The following PRKACB variants were observed in gnomAD, a reference collection of about 807,000 sequenced individuals.
PRKACB encodes cAMP-dependent protein kinase catalytic subunit beta.
Under a neutral mutation model 51.4 loss-of-function variants are expected in PRKACB, and 16 were observed. The observed-to-expected ratio is 0.31, with a 90% CI of 0.21 to 0.47. The LOEUF is 0.47. Ranked by LOEUF, PRKACB falls within the 20% of genes least tolerant of loss-of-function variation. The probability of loss-of-function intolerance (pLI) is 1.00; values close to 1 mark genes in which losing one functional copy is unlikely to be tolerated. For missense variants in PRKACB, 309 were observed against 464.5 expected (o/e 0.67, Z 3.08); for synonymous variants, 147 against 154.4 (o/e 0.95, Z 0.35).
chr1:84,090,060 A>G (rs1648329793), intron 1 of PRKACB, among the ~76,000 whole-genome samples: 1 of 152,206 alleles, frequency 6.6e-6, no homozygotes, highest in South Asian at 2.1e-4. Flanking sequence ...AGCTGCACAG[A>G]AGAACACTAG....
At chr1:84,101,050 G>C (rs1161100292) in intron 1 of PRKACB, among the ~76,000 whole-genome samples, 3 of 152,196 alleles carry the variant, frequency 2.0e-5, no homozygotes, top group East Asian at 1.9e-4. Context: ...TACGCTGTAA[G>C]GCTATGTGCC....
At chr1:84,228,245 A>G (rs1052253195) in intron 9 of PRKACB, among the ~76,000 whole-genome samples, 5 of 152,220 alleles carry the variant, frequency 3.3e-5, no homozygotes, top group African/African-American at 1.2e-4. Flanking sequence ...AAATAACTAT[A>G]TATATGTTGA....
At chr1:84,181,574 T>C (rs1459122457) in intron 2 of PRKACB, 2 of 813,440 alleles carry the variant, frequency 2.5e-6, no homozygotes, top group Non-Finnish European at 3.4e-6. Context: ...CTTTGTAGAA[T>C]GAGGAACTCT....
intron 1 of PRKACB, among the ~76,000 whole-genome samples, chr1:84,096,199 A>G (rs1299166128): frequency 6.6e-6 from 1 of 151,868 alleles, no homozygotes; most frequent in Non-Finnish European, 1.5e-5. Context: ...AGTGGTTTTG[A>G]CTGAAGGCCT....
intron 1 of PRKACB, among the ~76,000 whole-genome samples, chr1:84,087,253 A>G (rs1648088030): frequency 6.6e-6 from 1 of 152,254 alleles, no homozygotes. Context: ...CATTTAATCT[A>G]GAAAAATTAA....
rs1382534446 is a variant in PRKACB, at chr1:84,103,501, TAGTC to T, written c.46+25133_46+25136del. On this transcript the variant is annotated intron_variant, in intron 1 of 8. Coordinates refer to the PRKACB transcript ENST00000370688. ...AAGGTGAATTATTTCATGGGCCTTT[TAGTC>T]AGCCCAGCCTTCAGCTGAAGACAGA... Among the ~76,000 whole-genome samples the T allele has an allele frequency of 7.2e-5, 11 of 152,266 alleles. No individual in the cohort carries two copies. The South Asian group carries it at 1.2e-3, about 17-fold the overall frequency.
chr1:84,216,308 C>T (rs751583890), intron 9 of PRKACB, among the ~76,000 whole-genome samples: 1 of 152,036 alleles, frequency 6.6e-6, no homozygotes, highest in Non-Finnish European at 1.5e-5. Flanking sequence ...CACTGCACTC[C>T]AGCCTGGGTG....
At chr1:84,217,352 A>G (rs576293054) in intron 9 of PRKACB, among the ~76,000 whole-genome samples, 20 of 152,002 alleles carry the variant, frequency 1.3e-4, no homozygotes, top group Non-Finnish European at 2.6e-4. Flanking sequence ...TGTGCCCTTC[A>G]TCACTGCAGT....
chr1:84,156,848 A>C (rs1223351780), intron 1 of PRKACB, among the ~76,000 whole-genome samples: 2 of 152,148 alleles, frequency 1.3e-5, no homozygotes, highest in Non-Finnish European at 2.9e-5. Context: ...AATGGGTTGC[A>C]CTGAATAATT....
At chr1:84,118,946 AAGAAGC>A (rs1650841005) in intron 1 of PRKACB, among the ~76,000 whole-genome samples, 1 of 152,302 alleles carries the variant, frequency 6.6e-6, no homozygotes, top group African/African-American at 2.4e-5. Flanking sequence ...TTTCAGTTGC[AAGAAGC>A]AGAGACCCTA....
At chr1:84,153,851 G>C (rs1655128599) in intron 1 of PRKACB, among the ~76,000 whole-genome samples, 2 of 152,072 alleles carry the variant, frequency 1.3e-5, no homozygotes, top group African/African-American at 2.4e-5. Flanking sequence ...CAGATATCTA[G>C]ATATCTCTTA....
At chr1:84,159,433 T>C (rs576556259) in intron 1 of PRKACB, among the ~76,000 whole-genome samples, 3 of 152,286 alleles carry the variant, frequency 2.0e-5, no homozygotes, top group Non-Finnish European at 1.5e-5. Flanking sequence ...ACAAATGTTA[T>C]TGATTTTTAT....
At position 84,114,719 on chromosome 1, in the gene PRKACB, C is replaced by CT. The variant is rs112882891; in HGVS notation, c.46+36349dup. 4.2e-3 allele frequency among the ~76,000 whole-genome samples: 638 copies of CT among 152,258 alleles called. 4 individuals are homozygous for CT. The highest frequency in any genetic ancestry group is 0.015 in the African/African-American group (604 of 41,572). ...AGTCAGCCTTCCCAGTCTCTGCTATCTATCTTTCCATTCTCTTCCTTCATG... is the reference window on the plus strand; with the variant it reads ...AGTCAGCCTTCCCAGTCTCTGCTATCTTATCTTTCCATTCTCTTCCTTCATG... On this transcript the variant is annotated intron_variant, in intron 1 of 8. Coordinates refer to the PRKACB transcript ENST00000370688.
chr1:84,228,160 C>T (rs1674952322), intron 9 of PRKACB, among the ~76,000 whole-genome samples: 1 of 151,706 alleles, frequency 6.6e-6, no homozygotes, highest in Admixed American at 6.5e-5. Flanking sequence ...TTATTTTTAC[C>T]TTATTCTTTT....
At chr1:84,109,126 A>G (rs965131428) in intron 1 of PRKACB, among the ~76,000 whole-genome samples, 1 of 151,980 alleles carries the variant, frequency 6.6e-6, no homozygotes, top group African/African-American at 2.4e-5. Context: ...TTGTGTGAAT[A>G]TGTCACAGTT....
At chr1:84,199,970 CA>C (rs1372716239) in intron 7 of PRKACB, among the ~76,000 whole-genome samples, 1 of 152,020 alleles carries the variant, frequency 6.6e-6, no homozygotes, top group Non-Finnish European at 1.5e-5. Flanking sequence ...TTCAGGCTCC[CA>C]AGTAGCTGGG....
chr1:84,164,678 C>T (rs931824259), intron 1 of PRKACB: 8 of 1,389,906 alleles, frequency 5.8e-6, no homozygotes, highest in African/African-American at 2.9e-5. Flanking sequence ...CATCCTGGTT[C>T]GAACATTTTC....
chr1:84,080,447 T>C (rs1647433750), intron 1 of PRKACB, among the ~76,000 whole-genome samples: 1 of 152,030 alleles, frequency 6.6e-6, no homozygotes, highest in Admixed American at 6.5e-5. Context: ...TGTGTAACTT[T>C]ATTTATGGAA....
intron 9 of PRKACB, among the ~76,000 whole-genome samples, chr1:84,220,685 C>T (rs1158410422): frequency 6.6e-6 from 1 of 152,110 alleles, no homozygotes; most frequent in Non-Finnish European, 1.5e-5. Context: ...TTTTCTGCAT[C>T]TATTGAGATG....
Sources: allele counts gnomAD v4.1 joint callset (sites outside exome capture counted in the v4.1 genomes callset), GRCh38; gene constraint gnomAD v4.1.1; transcripts MANE v1.5; gene names NCBI Gene and HGNC (gene_info 2026-07-23, HGNC 2026-07-21).